Variants in RBFOX1 observed in about 807,000 individuals in gnomAD.
RBFOX1 encodes the protein RNA binding protein fox-1 homolog 1.
RBFOX1 carries 8 observed loss-of-function variants against 57.7 expected under a neutral mutation model. The observed-to-expected ratio is 0.14, with a 90% CI of 0.08 to 0.25. The LOEUF (loss-of-function observed/expected upper bound fraction) is 0.25. Ranked by LOEUF, RBFOX1 falls within the 10% of genes least tolerant of loss-of-function variation. The pLI is 1.00. For missense variants in RBFOX1, 611 were observed against 548.5 expected (o/e 1.11, Z -1.14); for synonymous variants, 326 against 222.4 (o/e 1.47, Z -4.15).
chr16:5,916,995 C>A (rs77955231), intron 4 of RBFOX1, among the ~76,000 whole-genome samples: 3 of 152,182 alleles, frequency 2.0e-5, no homozygotes, highest in South Asian at 4.2e-4. Context: ...ATCCCATGTG[C>A]CCCTGGGATG....
intron 2 of RBFOX1, among the ~76,000 whole-genome samples, chr16:6,383,663 G>A (rs942270832): frequency 2.6e-5 from 4 of 152,018 alleles, no homozygotes; most frequent in Admixed American, 6.6e-5. Flanking sequence ...CTACCTACTC[G>A]GGAGGCTGAG....
rs550015962 is a variant in RBFOX1 at position 6,449,657 on chromosome 16, G to A, written c.-64+132600G>A. Among the ~76,000 whole-genome samples the A allele has an allele frequency of 7.2e-5, 11 of 152,314 alleles. No individual in the cohort carries two copies. The South Asian group carries it at 8.3e-4, about 11-fold the overall frequency. ...GTCATCTTGTCTTTCAGTGTTTAGC[G>A]TCAACACTGGGGTAAATCTCTAACG... On this transcript the variant is annotated intron_variant, in intron 2 of 15. Coordinates refer to ENST00000550418, the MANE Select transcript of RBFOX1 (RefSeq NM_018723.4).
chr16:5,543,136 A>G (rs556904721), intron 2 of RBFOX1, among the ~76,000 whole-genome samples: 2 of 152,348 alleles, frequency 1.3e-5, no homozygotes, highest in Middle Eastern at 3.4e-3. Context: ...CAAGTAACTT[A>G]ACTGTATCCC....
intron 3 of RBFOX1, among the ~76,000 whole-genome samples, chr16:6,825,433 T>A (rs1328029795): frequency 1.3e-5 from 2 of 152,072 alleles, no homozygotes; most frequent in Non-Finnish European, 2.9e-5. Flanking sequence ...CAGGGATGAT[T>A]TGAAAAGGGA....
rs1470187035 is a variant in RBFOX1 at position 5,363,728 on chromosome 16, C to T, written c.220-103488C>T. Reference sequence around the variant, plus strand: ...TCTCCTACACCCCCAAGTCAGTGTCCTTGGGTTGGGGACTACGTGTCTGTC... The same window carrying T: ...TCTCCTACACCCCCAAGTCAGTGTCTTTGGGTTGGGGACTACGTGTCTGTC... On this transcript the variant is annotated intron_variant, in intron 1 of 2. Transcript: ENST00000585867. Among the ~76,000 whole-genome samples, 6 of 152,142 alleles carry T rather than the reference C, an allele frequency of 3.9e-5. No homozygotes were observed. In the East Asian group the frequency reaches 1.2e-3, roughly 29 times the overall value.
intron 2 of RBFOX1, among the ~76,000 whole-genome samples, chr16:6,597,998 C>T (rs1021627788): frequency 6.6e-6 from 1 of 152,180 alleles, no homozygotes; most frequent in Non-Finnish European, 1.5e-5. Flanking sequence ...CCAGGGCTGC[C>T]TTTTATTCTG....
intron 10 of RBFOX1, among the ~76,000 whole-genome samples, chr16:7,630,213 T>G (rs1167800154): frequency 6.6e-6 from 1 of 151,972 alleles, no homozygotes; most frequent in East Asian, 1.9e-4. Flanking sequence ...CACAGAGAGG[T>G]ACAGTGACTT....
At chr16:6,972,340 T>C (rs934346227) in intron 3 of RBFOX1, among the ~76,000 whole-genome samples, 5 of 152,278 alleles carry the variant, frequency 3.3e-5, no homozygotes, top group African/African-American at 4.8e-5. Context: ...GGTGGAATTA[T>C]ACAGCGTTTC....
intron 1 of RBFOX1, among the ~76,000 whole-genome samples, chr16:6,151,780 G>T (rs1300990102): frequency 6.6e-6 from 1 of 152,168 alleles, no homozygotes; most frequent in Admixed American, 6.5e-5. Context: ...TTATGTTTTA[G>T]GTCTCACTTC....
In RBFOX1 at chr16:6,409,529, C is replaced by T. The variant is rs142674052; in HGVS notation, c.-64+92472C>T. Among the ~76,000 whole-genome samples, 282 of 152,176 alleles carry T rather than the reference C, an allele frequency of 1.9e-3. 2 individuals are homozygous for T. Among genetic ancestry groups the T allele is most frequent in the African/African-American group, 4.9e-3 (204 of 41,506 alleles). On this transcript the variant is annotated intron_variant, in intron 2 of 15. Transcript: ENST00000550418. Reference sequence around the variant, plus strand: ...TGAGTGTTAATTACATGAGTCTGTTCAATTGTATGTTTTTTGATAATATAC... The same window carrying T: ...TGAGTGTTAATTACATGAGTCTGTTTAATTGTATGTTTTTTGATAATATAC...
chr16:7,329,619 A>G (rs911323750), intron 4 of RBFOX1, among the ~76,000 whole-genome samples: 3 of 152,252 alleles, frequency 2.0e-5, no homozygotes, highest in Admixed American at 2.0e-4. Flanking sequence ...AGTCAATACA[A>G]CTTCAAAAAC....
At position 5,362,115 on chromosome 16, in the gene RBFOX1, C is replaced by G. The variant is rs538269945; in HGVS notation, c.220-105101C>G. ...GATCTGTCATCTCAACAAATGTTTACATGCATAATACAGTATTGTTATCTA... is the reference window on the plus strand; with the variant it reads ...GATCTGTCATCTCAACAAATGTTTAGATGCATAATACAGTATTGTTATCTA... On this transcript the variant is annotated intron_variant, in intron 1 of 2. Transcript: ENST00000585867. 5.9e-5 allele frequency among the ~76,000 whole-genome samples: 9 copies of G among 152,278 alleles called. No individual in the cohort carries two copies. In the East Asian group the frequency reaches 1.7e-3, roughly 29 times the overall value.
intron 3 of RBFOX1, among the ~76,000 whole-genome samples, chr16:6,800,545 A>T (rs903971945): frequency 2.0e-5 from 3 of 152,194 alleles, no homozygotes; most frequent in African/African-American, 7.2e-5. Flanking sequence ...TGCACGCTAC[A>T]CTTTAAGTAA....
rs553404518 is a variant in RBFOX1, at chr16:5,742,488, C to G, written c.319-124815C>G. The stretch of plus-strand genomic sequence containing the variant: ...ATATTCTTACTTCTGAAGGAGGCTT[C>G]TACACTGGGAAGCTGTCAAAGGAGA... On this transcript the variant is annotated intron_variant, in intron 3 of 19. Transcript: ENST00000641259. 2.0e-4 allele frequency among the ~76,000 whole-genome samples: 31 copies of G among 152,294 alleles called. 1 individual carries two copies. The South Asian group carries it at 6.4e-3, about 32-fold the overall frequency.
At chr16:6,734,471 C>T (rs1465899214) in intron 3 of RBFOX1, among the ~76,000 whole-genome samples, 1 of 152,166 alleles carries the variant, frequency 6.6e-6, no homozygotes, top group Non-Finnish European at 1.5e-5. Flanking sequence ...CATGGTATTG[C>T]CTCATTACAG....
At chr16:7,692,590 C>A (rs377062211) in intron 14 of RBFOX1, among the ~76,000 whole-genome samples, 1 of 152,252 alleles carries the variant, frequency 6.6e-6, no homozygotes, top group Non-Finnish European at 1.5e-5. Flanking sequence ...TATAATTTGA[C>A]TCAGACGATC....
At chr16:5,654,565 T>G (rs2049361432) in intron 3 of RBFOX1, among the ~76,000 whole-genome samples, 1 of 152,138 alleles carries the variant, frequency 6.6e-6, no homozygotes, top group Non-Finnish European at 1.5e-5. Context: ...GGTTCAAGCC[T>G]GTCCTGTGCT....
chr16:7,560,442 A>AC (rs35810753), intron 5 of RBFOX1, among the ~76,000 whole-genome samples: 134,334 of 151,600 alleles, frequency 0.89, 60,365 homozygotes, highest in Non-Finnish European at 0.97. Flanking sequence ...AAATGAAAGT[A>AC]CCCCCAGTGA....
At chr16:7,469,219 C>T (rs902916959) in intron 4 of RBFOX1, among the ~76,000 whole-genome samples, 1 of 118,706 alleles carries the variant, frequency 8.4e-6, no homozygotes, top group Non-Finnish European at 1.8e-5. Flanking sequence ...CAAGCGTGAG[C>T]CACCTAATTT....
Sources: gnomAD v4.1 joint callset for allele counts (sites outside exome capture counted in the v4.1 genomes callset) on GRCh38, gnomAD v4.1.1 for gene constraint, MANE v1.5 for transcripts, NCBI Gene and HGNC (gene_info 2026-07-23, HGNC 2026-07-21) for gene names.